MYT1L: variants seen among roughly 807,000 people sequenced by gnomAD.
MYT1L encodes the protein myelin transcription factor 1 like, also known as myelin transcription factor 1-like protein.
MYT1L carries 12 observed loss-of-function variants against 126.7 expected under a neutral mutation model. The observed-to-expected ratio is 0.09, with a 90% CI of 0.06 to 0.15. The LOEUF (loss-of-function observed/expected upper bound fraction) is 0.15. Ranked by LOEUF, MYT1L falls within the 10% of genes least tolerant of loss-of-function variation. MYT1L has a pLI of 1.00. For synonymous variants in MYT1L, 541 were observed against 604.2 expected, an observed-to-expected ratio of 0.90 and a Z score of 1.53; for missense variants, 979 against 1,585.2, an observed-to-expected ratio of 0.62 and a Z score of 6.49.
At chr2:2,213,617 AG>A (rs1399402359) in intron 2 of MYT1L, among the ~76,000 whole-genome samples, 1 of 152,220 alleles carries the variant, frequency 6.6e-6, no homozygotes, top group Non-Finnish European at 1.5e-5. Flanking sequence ...AGCACTCAGA[AG>A]GCCTCAACTT....
Position 1,987,497 on chromosome 2 carries a change from C to T in MYT1L, c.1-7720G>A, listed in dbSNP as rs551831614. Among the ~76,000 whole-genome samples, 3 of 152,246 alleles carry T rather than the reference C, an allele frequency of 2.0e-5. No individual in the cohort carries two copies. The South Asian group carries it at 6.2e-4, about 32-fold the overall frequency. On this transcript the variant is annotated intron_variant, in intron 5 of 24. Transcript: ENST00000647738. ...TTCCCATGGGAGGGGCATGTGCTAC[C>T]CCACACCACAGCTTTCAAGTCTGGG...
chr2:2,203,190 C>T (rs1271591935), intron 2 of MYT1L, among the ~76,000 whole-genome samples: 3 of 146,454 alleles, frequency 2.0e-5, no homozygotes, highest in Non-Finnish European at 4.5e-5. Flanking sequence ...AAACTGGAAG[C>T]ATTCCCTTTG....
chr2:1,905,678 T>C (rs779732826), intron 13 of MYT1L, among the ~76,000 whole-genome samples: 11 of 152,172 alleles, frequency 7.2e-5, no homozygotes, highest in Non-Finnish European at 1.3e-4. Flanking sequence ...TTGAGTAAGA[T>C]CCTATTTCTT....
chr2:2,194,749 C>T (rs1456419117), intron 2 of MYT1L, among the ~76,000 whole-genome samples: 1 of 152,136 alleles, frequency 6.6e-6, no homozygotes, highest in Admixed American at 6.5e-5. Flanking sequence ...AAGCCAAGAA[C>T]CTTCAAGAAC....
In MYT1L at chr2:2,122,872, T is replaced by TGTGAGA. The variant is rs553951630; in HGVS notation, c.-304+49999_-304+50000insTCTCAC. ...GTGTGTGTGTGTGTGTGTGTGTGTG[T>TGTGAGA]GAGAGAGAGAGAGAGAGAGACCAAT... is the stretch of plus-strand genomic sequence containing the variant. On this transcript the variant is annotated intron_variant, in intron 3 of 24. Coordinates refer to ENST00000647738, the MANE Select transcript of MYT1L (RefSeq NM_001303052.2). Among the ~76,000 whole-genome samples, 700 of 133,008 alleles carry TGTGAGA rather than the reference T, an allele frequency of 5.3e-3. 8 individuals carry two copies. Among genetic ancestry groups the TGTGAGA allele is most frequent in the African/African-American group, 0.019 (647 of 33,742 alleles). 87.3% of individuals were successfully genotyped at this position (133,008 alleles called of 152,430 possible). A position where few individuals can be genotyped will look rare whatever the true frequency, so the allele number is the denominator to read the frequency against.
At chr2:2,080,304 GA>G (rs1216928539) in intron 3 of MYT1L, among the ~76,000 whole-genome samples, 1 of 148,906 alleles carries the variant, frequency 6.7e-6, no homozygotes, top group Non-Finnish European at 1.5e-5. Flanking sequence ...AGGGATAAGA[GA>G]AAAAAAAAGC....
chr2:2,240,862 T>A (rs1391344007), intron 2 of MYT1L, among the ~76,000 whole-genome samples: 3 of 152,182 alleles, frequency 2.0e-5, no homozygotes, highest in African/African-American at 7.2e-5. Flanking sequence ...AGGGTTCCAA[T>A]TTTAACAACT....
chr2:2,208,775 T>C (rs1357953120), intron 2 of MYT1L, among the ~76,000 whole-genome samples: 4 of 152,216 alleles, frequency 2.6e-5, no homozygotes, highest in Non-Finnish European at 5.9e-5. Flanking sequence ...ATCTTGATAC[T>C]TGCTTTTAGG....
At chr2:2,114,391 A>C in intron 3 of MYT1L, among the ~76,000 whole-genome samples, 1 of 152,210 alleles carries the variant, frequency 6.6e-6, no homozygotes, top group Non-Finnish European at 1.5e-5. Context: ...CAAATGAAAG[A>C]CCTTGAACAT....
intron 21 of MYT1L, among the ~76,000 whole-genome samples, chr2:1,820,033 G>C (rs868027253): frequency 1.5e-4 from 12 of 77,792 alleles, no homozygotes; most frequent in Middle Eastern, 5.2e-3. Context: ...GAGGGCAGTG[G>C]GGGGGGGCCA....
chr2:2,101,432 T>C (rs2078064726), intron 3 of MYT1L, among the ~76,000 whole-genome samples: 1 of 152,124 alleles, frequency 6.6e-6, no homozygotes, highest in Admixed American at 6.6e-5. Flanking sequence ...ACTTCAGGCA[T>C]TAAATCCACT....
At chr2:1,803,929 C>T (rs760080474) in intron 22 of MYT1L, among the ~76,000 whole-genome samples, 10 of 152,146 alleles carry the variant, frequency 6.6e-5, no homozygotes, top group African/African-American at 9.7e-5. Flanking sequence ...GGACATCCTG[C>T]GAGCCCCCAG....
At chr2:2,313,461 C>G (rs2096009237) in intron 1 of MYT1L, among the ~76,000 whole-genome samples, 2 of 151,206 alleles carry the variant, frequency 1.3e-5, no homozygotes, top group Non-Finnish European at 1.5e-5. Context: ...AAGCAGATAA[C>G]AAATCTCACA....
chr2:1,900,052 T>C (rs1399392586), intron 14 of MYT1L, among the ~76,000 whole-genome samples: 1 of 152,236 alleles, frequency 6.6e-6, no homozygotes, highest in Non-Finnish European at 1.5e-5. Flanking sequence ...GACCTTTGGT[T>C]GCTAAGATCT....
intron 1 of MYT1L, among the ~76,000 whole-genome samples, chr2:2,292,968 C>G (rs2095621121): frequency 6.6e-6 from 1 of 152,148 alleles, no homozygotes; most frequent in Non-Finnish European, 1.5e-5. Flanking sequence ...TGCAAAAGAA[C>G]ATTTTCCTCT....
intron 2 of MYT1L, among the ~76,000 whole-genome samples, chr2:2,208,542 T>C (rs1026584988): frequency 3.9e-5 from 6 of 152,200 alleles, no homozygotes; most frequent in African/African-American, 1.4e-4. Context: ...TATGTAGGCT[T>C]GTATTCTCAT....
chr2:1,901,131 G>A (rs758447265), intron 14 of MYT1L, among the ~76,000 whole-genome samples: 1 of 152,150 alleles, frequency 6.6e-6, no homozygotes, highest in Non-Finnish European at 1.5e-5. Flanking sequence ...TTGACTTCGG[G>A]TGCCCTAAAG....
chr2:2,292,541 G>T lies in MYT1L; in HGVS notation c.-520-8038C>A, dbSNP rs531024476. 4.6e-5 allele frequency among the ~76,000 whole-genome samples: 7 copies of T among 152,238 alleles called. No homozygotes were observed. The South Asian group carries it at 1.5e-3, about 32-fold the overall frequency. ...ACAGGACACTGCAAACCCAGAGGTGGTTCGTCAGCACTCGGGGACAGCCTC... is the reference window on the plus strand; with the variant it reads ...ACAGGACACTGCAAACCCAGAGGTGTTTCGTCAGCACTCGGGGACAGCCTC... On this transcript the variant is annotated intron_variant, in intron 1 of 24. Transcript: ENST00000647738.
At chr2:2,053,729 T>G (rs557020945) in intron 4 of MYT1L, among the ~76,000 whole-genome samples, 1 of 152,310 alleles carries the variant, frequency 6.6e-6, no homozygotes, top group South Asian at 2.1e-4. Flanking sequence ...AATTCTTCTT[T>G]TGGGTGATGT....
Sources: allele counts gnomAD v4.1 joint callset (sites outside exome capture counted in the v4.1 genomes callset), GRCh38; gene constraint gnomAD v4.1.1; transcripts MANE v1.5; gene names NCBI Gene and HGNC (gene_info 2026-07-23, HGNC 2026-07-21).